KCTD19: variants seen among roughly 807,000 people sequenced by gnomAD.
KCTD19 encodes BTB/POZ domain-containing protein KCTD19.
KCTD19 carries 67 observed loss-of-function variants against 103.5 expected under a neutral mutation model. The ratio of observed to expected loss-of-function variants is 0.65; its 90% CI spans 0.53 to 0.79. The LOEUF (loss-of-function observed/expected upper bound fraction) is 0.79. Among genes scored for constraint, KCTD19 ranks in the 30% least tolerant of loss-of-function variants. The pLI is 0.00. For missense variants in KCTD19, 980 were observed against 1,136.1 expected (o/e 0.86, Z 1.98); for synonymous variants, 439 against 452.2 (o/e 0.97, Z 0.37).
At chr16:67,291,163 C>T in intron 14 of KCTD19, 146 bp downstream of exon 14, 1 of 1,184,526 alleles carries the variant, frequency 8.4e-7, no homozygotes, top group Non-Finnish European at 1.2e-6. Flanking sequence ...CTGCTTGCCT[C>T]CCTGTCCCAC....
chr16:67,301,764 G>C, intron 5 of KCTD19, 27 bp downstream of exon 5: 1 of 1,611,236 alleles, frequency 6.2e-7, no homozygotes, highest in East Asian at 2.2e-5. Flanking sequence ...ACTGTCGAGG[G>C]GGAGCCAAGG....
At chr16:67,321,882 A>T (rs1220756541) in intron 1 of KCTD19, 2 of 152,708 alleles carry the variant, frequency 1.3e-5, no homozygotes, top group African/African-American at 4.8e-5. Flanking sequence ...ACGCACGTGG[A>T]GCGTTGAGGG....
rs199671936 is a variant in KCTD19, at chr16:67,323,501, C to T, written c.4-2616G>A. Among the ~76,000 whole-genome samples the T allele has an allele frequency of 1.3e-4, 19 of 151,950 alleles. No homozygotes were observed. The highest frequency in any genetic ancestry group is 2.1e-4 in the South Asian group (1 of 4,802). On this transcript the variant is annotated intron_variant, in intron 1 of 15. Coordinates refer to ENST00000304372, the MANE Select transcript of KCTD19 (RefSeq NM_001100915.3). The surrounding 1 kb of genome is among the most constrained non-coding windows in gnomAD (Gnocchi z 4.1). Reference sequence around the variant, plus strand: ...TCGTGCCATTGCACTCCAGCCTGGGCGTCAGAGTGAGGCACGTCTCTAAAA... The same window carrying T: ...TCGTGCCATTGCACTCCAGCCTGGGTGTCAGAGTGAGGCACGTCTCTAAAA...
At chr16:67,295,458 G>C in intron 8 of KCTD19, 53 bp from the exon 9 acceptor site, 1 of 1,555,390 alleles carries the variant, frequency 6.4e-7, no homozygotes, top group Non-Finnish European at 8.8e-7. Flanking sequence ...CTTTGCGAAG[G>C]GGCAGGTCAA....
intron 7 of KCTD19, 118 bp from the exon 8 acceptor site, chr16:67,296,377 G>A: frequency 1.4e-6 from 1 of 694,168 alleles, no homozygotes. Flanking sequence ...CAGTCATATT[G>A]TGTTGCCTAG....
Position 67,323,842 on chromosome 16 carries a change from T to C in KCTD19, c.3+2863A>G, listed in dbSNP as rs1042561370. Among the ~76,000 whole-genome samples, 2 of 151,920 alleles carry C rather than the reference T, an allele frequency of 1.3e-5. No individual in the cohort carries two copies. The highest frequency in any genetic ancestry group is 6.6e-5 in the Admixed American group (1 of 15,242). On this transcript the variant is annotated intron_variant, in intron 1 of 15. Transcript: ENST00000304372. The surrounding 1 kb of genome is among the most constrained non-coding windows in gnomAD (Gnocchi z 4.1). Reference sequence around the variant, plus strand: ...ACTAAAACTCACTGAATTGTACACATTAAAATGTGTGAATTGTATGGTATG... The same window carrying C: ...ACTAAAACTCACTGAATTGTACACACTAAAATGTGTGAATTGTATGGTATG...
At chr16:67,296,127 A>ATGGGGAGC in intron 8 of KCTD19, 32 bp downstream of exon 8, 1 of 1,305,464 alleles carries the variant, frequency 7.7e-7, no homozygotes, top group Non-Finnish European at 1.1e-6. Context: ...GTGATGCCAG[A>ATGGGGAGC]TGGGGAGCAG....
Position 67,293,558 on chromosome 16 carries a change from C to A in KCTD19, c.2204G>T (p.Arg735Met), listed in dbSNP as rs147536831. 1 of 1,613,900 alleles carries A rather than the reference C, an allele frequency of 6.2e-7. No individual in the cohort carries two copies. The highest frequency in any genetic ancestry group is 8.5e-7 in the Non-Finnish European group (1 of 1,179,908). The change falls in exon 12 of 16, where the codon AGG (arginine) becomes ATG (methionine). Residue 735 changes from arginine to methionine, a missense_variant. Coordinates refer to ENST00000304372, the MANE Select transcript of KCTD19 (RefSeq NM_001100915.3). This position sits in a 1 kb window ranked among gnomAD's most constrained non-coding sequence, Gnocchi z 4.0. ...AGTLKDWSKQ[R>M]TKERESPAPE... ...ACAGGACTCACCTCTCTCCTTGGTC[C>A]TCTGCTTGCTCCAGTCCTTCAGGGT...
intron 1 of KCTD19, among the ~76,000 whole-genome samples, chr16:67,325,376 CTTTATTTTAT>C (rs544654868): frequency 5.5e-5 from 8 of 145,606 alleles, no homozygotes; most frequent in East Asian, 1.9e-4. Context: ...CCACGCCCGG[CTTTATTTTAT>C]TTTATTTTAT....
At chr16:67,291,905 C>T (rs1555504253) in intron 12 of KCTD19, 68 bp from the exon 13 acceptor site, 2 of 1,124,378 alleles carry the variant, frequency 1.8e-6, no homozygotes, top group South Asian at 1.8e-5. Context: ...TAGAGTTTTG[C>T]TTTTGTTGCC....
chr16:67,301,116 C>G (rs2036828523), intron 5 of KCTD19: 1 of 152,408 alleles, frequency 6.6e-6, no homozygotes, highest in Non-Finnish European at 1.5e-5. Flanking sequence ...GCTCAGGTAG[C>G]TTGCGCCCTA....
In KCTD19 at chr16:67,304,300, T is replaced by A. The variant is rs1597395942; in HGVS notation, c.451+121A>T. The stretch of plus-strand genomic sequence containing the variant: ...TGGCAGGGCAGAAGATCAAAGGAGA[T>A]GACAGAGACTGCCTCAGAAATCAGG... On this transcript the variant is annotated intron_variant, in intron 3 of 15. Transcript: ENST00000304372. 3 of 970,336 alleles carry A rather than the reference T, an allele frequency of 3.1e-6. No individual in the cohort carries two copies. In the African/African-American group the frequency reaches 4.8e-5, roughly 16 times the overall value. 60.1% of individuals were successfully genotyped at this position (970,336 alleles called of 1,614,324 possible). A position where few individuals can be genotyped will look rare whatever the true frequency, so the allele number is the denominator to read the frequency against.
At chr16:67,326,518 C>A (rs2037174549) in intron 1 of KCTD19, 187 bp downstream of exon 1, 1 of 706,122 alleles carries the variant, frequency 1.4e-6, no homozygotes, top group Non-Finnish European at 2.2e-6. Flanking sequence ...ACACTTCATC[C>A]CTCAAGACAG....
At position 67,300,015 on chromosome 16, in the gene KCTD19, C is replaced by T. The variant is rs1285901694; in HGVS notation, c.776-442G>A. ...CTGGCTCTCCTGGGCAGAATTTCCC[C>T]CAGAGACATACTGTGTGGCATTATT... On this transcript the variant is annotated intron_variant, in intron 5 of 15. Transcript: ENST00000304372. The surrounding 1 kb of genome is among the most constrained non-coding windows in gnomAD (Gnocchi z 4.5). 5.6e-6 allele frequency: 1 copy of T among 177,318 alleles called. No homozygotes were observed. The allele number at this position is 177,318 out of a possible 1,614,324, so 11.0% of individuals were successfully genotyped here. A position where few individuals can be genotyped will look rare whatever the true frequency, so the allele number is the denominator to read the frequency against.
rs1297479679 is a variant in KCTD19 at position 67,295,768 on chromosome 16, A to G, written c.1249-363T>C. On this transcript the variant is annotated intron_variant, in intron 8 of 15. Coordinates refer to ENST00000304372, the MANE Select transcript of KCTD19 (RefSeq NM_001100915.3). Reference sequence around the variant, plus strand: ...TCTGTTTTGTTTTGTTTTTTGAGGCAGAGTCACACTCCGTCACCCAGGTTG... The same window carrying G: ...TCTGTTTTGTTTTGTTTTTTGAGGCGGAGTCACACTCCGTCACCCAGGTTG... 2.5e-5 allele frequency: 8 copies of G among 317,030 alleles called. No individual in the cohort carries two copies. In the East Asian group the frequency reaches 5.2e-4, roughly 21 times the overall value. The allele number at this position is 317,030 out of a possible 1,614,324, so 19.6% of individuals were successfully genotyped here.
In KCTD19 at chr16:67,291,422, A is replaced by C. The variant is rs772010225; in HGVS notation, c.2452T>G (p.Phe818Val). The change falls in exon 14 of 16, where the codon TTT (phenylalanine) becomes GTT (valine). Residue 818 changes from phenylalanine to valine, a missense_variant. Physicochemically the swap from Phe to Val is conservative, Grantham distance 50. Coordinates refer to ENST00000304372, the MANE Select transcript of KCTD19 (RefSeq NM_001100915.3). ...AAGCAGTGACATTTCTGTGCATAAA[A>C]CATCTCTTCCCAGGACAGAGAGAAA... ...LSFSLSWEEMFYAQKCHCFLA... is the reference protein window; with the variant it reads ...LSFSLSWEEMVYAQKCHCFLA... 3 of 1,614,188 alleles carry C rather than the reference A, an allele frequency of 1.9e-6. No homozygotes were observed. The highest frequency in any genetic ancestry group is 2.5e-6 in the Non-Finnish European group (3 of 1,180,018).
chr16:67,316,119 G>A (rs2142520931), intron 2 of KCTD19, among the ~76,000 whole-genome samples: 1 of 152,266 alleles, frequency 6.6e-6, no homozygotes, highest in Middle Eastern at 3.4e-3. Context: ...ATGGCTCACT[G>A]TGGCCTCAAA....
Position 67,299,525 on chromosome 16 carries a change from G to A in KCTD19, c.824C>T (p.Ala275Val), listed in dbSNP as rs1322730900. 3 of 1,614,026 alleles carry A rather than the reference G, an allele frequency of 1.9e-6. No individual in the cohort carries two copies. The highest frequency in any genetic ancestry group is 2.2e-5 in the East Asian group (1 of 44,870). ...CACGGACTCCAGGCTGGCTGTGCGG[G>A]CCCCCTTCCCGGGGCTCAGGGGAGA... ...TCSPLSPGKG[A>V]RTASLESVKP... Residue 275 changes from alanine (A) to valine (V), a missense_variant, in exon 6 of 16, where the codon GCC becomes GTC. Coordinates refer to ENST00000304372, the MANE Select transcript of KCTD19 (RefSeq NM_001100915.3).
chr16:67,297,209 G>C (rs1006442253), intron 7 of KCTD19, among the ~76,000 whole-genome samples: 4 of 152,208 alleles, frequency 2.6e-5, no homozygotes, highest in Non-Finnish European at 5.9e-5. Context: ...CTGCATGGCT[G>C]TGAGAAGCAC....
Sources: gnomAD v4.1 joint callset for allele counts (sites outside exome capture counted in the v4.1 genomes callset) on GRCh38, gnomAD v4.1.1 for gene constraint, Gnocchi (gnomAD v3.1) non-coding constraint, MANE v1.5 for transcripts, NCBI Gene and HGNC (gene_info 2026-07-23, HGNC 2026-07-21) for gene names.